GSTA3: variants seen among roughly 807,000 people sequenced by gnomAD.
GSTA3 encodes glutathione S-transferase A3.
In GSTA3, 16 loss-of-function variants were observed where a neutral mutation model predicts 23.1. The observed-to-expected ratio is 0.69, with a 90% CI of 0.47 to 1.05. The LOEUF (loss-of-function observed/expected upper bound fraction) is 1.05, where lower values mean the gene tolerates loss of function less well. GSTA3 is among the 50% of genes least tolerant of loss of function. The probability of loss-of-function intolerance (pLI) is 0.00; values close to 1 mark genes in which losing one functional copy is unlikely to be tolerated. For synonymous variants in GSTA3, 122 were observed against 91.0 expected (o/e 1.34, Z -1.94); for missense variants, 319 against 263.6 (o/e 1.21, Z -1.46).
intron 2 of GSTA3, among the ~76,000 whole-genome samples, chr6:52,905,197 T>C (rs1460701957): frequency 6.6e-6 from 1 of 152,240 alleles, no homozygotes; most frequent in African/African-American, 2.4e-5. Flanking sequence ...GTTTCAATCA[T>C]CTAGCTGCAG....
chr6:52,908,128 T>C (rs1213217321), intron 1 of GSTA3, among the ~76,000 whole-genome samples: 2 of 150,716 alleles, frequency 1.3e-5, no homozygotes, highest in Non-Finnish European at 2.9e-5. Context: ...TTATAGGATA[T>C]AACATGGCTA....
chr6:52,903,536 G>T, intron 3 of GSTA3, 140 bp downstream of exon 3: 1 of 431,840 alleles, frequency 2.3e-6, no homozygotes, highest in Non-Finnish European at 4.2e-6. Flanking sequence ...GGCGGAGCTT[G>T]CAGTAAGCCG....
rs1288167080 is a variant in GSTA3 at position 52,896,814 on chromosome 6, T to G, written c.661A>C (p.Arg221=). ...CCTCCATGGCTGCTTTATTAAAACC[T>G]GAAAATCTTTCTGGCTTCTTCTAAA... The part of the protein sequence containing the change: ...KALEEARKIF[R]F The change falls in exon 7 of 7, where the codon AGG becomes CGG. Residue 221 remains arginine (R), a synonymous_variant. Coordinates refer to ENST00000211122, the MANE Select transcript of GSTA3 (RefSeq NM_000847.5). 1 of 1,613,876 alleles carries G rather than the reference T, an allele frequency of 6.2e-7. No homozygotes were observed. Among genetic ancestry groups the G allele is most frequent in the Non-Finnish European group, 8.5e-7 (1 of 1,179,886 alleles).
In GSTA3 at chr6:52,902,398, A is replaced by G. The variant is rs2127359372; in HGVS notation, c.220T>C (p.Tyr74His). ...TAGAGGTTGTATTTGCTGGCAATGT[A>G]GTTGAGAATGGCTCTGGTCTGTACC... ...KLVQTRAILNYIASKYNLYGK... is the reference protein window; with the variant it reads ...KLVQTRAILNHIASKYNLYGK... Residue 74 changes from tyrosine (Y) to histidine (H), a missense_variant, in exon 4 of 7, where the codon TAC (tyrosine) becomes CAC (histidine). Tyr to His is a moderately conservative substitution (Grantham distance 83). Coordinates refer to ENST00000211122, the MANE Select transcript of GSTA3 (RefSeq NM_000847.5). The G allele has an allele frequency of 6.2e-7, 1 of 1,614,038 alleles. No homozygotes were observed. Among genetic ancestry groups the G allele is most frequent in the Non-Finnish European group, 8.5e-7 (1 of 1,179,906 alleles).
intron 4 of GSTA3, among the ~76,000 whole-genome samples, chr6:52,901,218 T>A (rs1308367434): frequency 6.6e-6 from 1 of 152,228 alleles, no homozygotes; most frequent in Non-Finnish European, 1.5e-5. Context: ...CATCACACTC[T>A]AATTCTAGAA....
intron 2 of GSTA3, 40 bp from the exon 3 acceptor site, chr6:52,903,767 TC>T: frequency 8.3e-7 from 1 of 1,201,138 alleles, no homozygotes; most frequent in South Asian, 1.2e-5. Context: ...GTTAGTTCGT[TC>T]CATAGCATTA....
At chr6:52,908,446 T>TAA (rs1765969010) in intron 1 of GSTA3, among the ~76,000 whole-genome samples, 16 of 152,280 alleles carry the variant, frequency 1.1e-4, no homozygotes, top group Admixed American at 9.2e-4. Context: ...GCCCAAGATG[T>TAA]TAAGGCTGCA....
At chr6:52,900,106 T>C (rs1335171845) in intron 4 of GSTA3, 31 bp from the exon 5 acceptor site, 1 of 1,579,324 alleles carries the variant, frequency 6.3e-7, no homozygotes, top group Non-Finnish European at 8.6e-7. Context: ...AAGCATCAAA[T>C]GCCTCTTGCC....
At chr6:52,906,064 A>T (rs1327816386) in intron 1 of GSTA3, among the ~76,000 whole-genome samples, 1 of 152,202 alleles carries the variant, frequency 6.6e-6, no homozygotes, top group South Asian at 2.1e-4. Context: ...TTTCCTGTGT[A>T]AGACCTTTGT....
At chr6:52,905,162 C>T (rs1400060817) in intron 2 of GSTA3, among the ~76,000 whole-genome samples, 1 of 152,128 alleles carries the variant, frequency 6.6e-6, no homozygotes, top group Non-Finnish European at 1.5e-5. Context: ...ATAAAAAATA[C>T]ACATAAAATA....
In GSTA3 at chr6:52,896,678, T is replaced by C. The variant is rs565274403; in HGVS notation, c.*128A>G. ...GCAAATAGGAGTTTTTATTATTTAA[T>C]TAGCATATAATTGGAAAGGGTTCAT... On this transcript the variant is annotated 3_prime_UTR_variant, in exon 7 of 7. Transcript: ENST00000211122. The C allele has an allele frequency of 1.9e-6, 2 of 1,049,574 alleles. No homozygotes were observed. The highest frequency in any genetic ancestry group is 2.5e-5 in the East Asian group (1 of 39,350). 65.0% of individuals were successfully genotyped at this position (1,049,574 alleles called of 1,614,324 possible).
At chr6:52,902,853 T>G in intron 3 of GSTA3, among the ~76,000 whole-genome samples, 1 of 152,218 alleles carries the variant, frequency 6.6e-6, no homozygotes, top group Admixed American at 6.5e-5. Flanking sequence ...ATGGTGTTCA[T>G]GGCCTTTAAA....
Position 52,896,744 on chromosome 6 carries a change from T to C in GSTA3, c.*62A>G, listed in dbSNP as rs776168881. 3.1e-6 allele frequency: 5 copies of C among 1,598,268 alleles called. No individual in the cohort carries two copies. The highest frequency in any genetic ancestry group is 4.3e-6 in the Non-Finnish European group (5 of 1,168,900). On this transcript the variant is annotated 3_prime_UTR_variant, in exon 7 of 7. Transcript: ENST00000211122. Reference sequence around the variant, plus strand: ...CACAATCAACACTTAAGTAAAGCACTTCATTGTTGCAAAACTTTAGAATAT... The same window carrying C: ...CACAATCAACACTTAAGTAAAGCACCTCATTGTTGCAAAACTTTAGAATAT...
In GSTA3 at chr6:52,903,673, T is replaced by C; in HGVS notation, c.139+3A>G. The stretch of plus-strand genomic sequence containing the variant: ...TCAGAGGCACTTAGAGACTTGATCT[T>C]ACCATTTCTTAACTTTCCCAAATCT... On this transcript the variant is annotated splice_donor_region_variant and intron_variant, in intron 3 of 6. Coordinates refer to ENST00000211122, the MANE Select transcript of GSTA3 (RefSeq NM_000847.5). 6.6e-7 allele frequency: 1 copy of C among 1,525,084 alleles called. No homozygotes were observed. Among genetic ancestry groups the C allele is most frequent in the Non-Finnish European group, 9.1e-7 (1 of 1,099,458 alleles). 94.5% of individuals were successfully genotyped at this position (1,525,084 alleles called of 1,614,324 possible).
chr6:52,906,835 C>T (rs1383183025), intron 1 of GSTA3, among the ~76,000 whole-genome samples: 7 of 150,882 alleles, frequency 4.6e-5, no homozygotes, highest in East Asian at 1.9e-4. Context: ...AAGACTTAAA[C>T]GTTAGACCTA....
chr6:52,897,066 C>G, intron 6 of GSTA3, 138 bp from the exon 7 acceptor site: 1 of 1,207,870 alleles, frequency 8.3e-7, no homozygotes, highest in Non-Finnish European at 1.2e-6. Flanking sequence ...CAGAAACAGA[C>G]ACCCAGTGAT....
At position 52,905,729 on chromosome 6, in the gene GSTA3, G is replaced by A; in HGVS notation, c.87+19C>T. 3 of 1,431,684 alleles carry A rather than the reference G, an allele frequency of 2.1e-6. No individual in the cohort carries two copies. Among genetic ancestry groups the A allele is most frequent in the Non-Finnish European group, 2.9e-6 (3 of 1,018,608 alleles). The allele number at this position is 1,431,684 out of a possible 1,614,324, so 88.7% of individuals were successfully genotyped here. A position where few individuals can be genotyped will look rare whatever the true frequency, so the allele number is the denominator to read the frequency against. Reference sequence around the variant, plus strand: ...CAGTCAATTAGGTCCAACTTAAGATGACCTAACTTAGAACATACCTCCACT... The same window carrying A: ...CAGTCAATTAGGTCCAACTTAAGATAACCTAACTTAGAACATACCTCCACT... On this transcript the variant is annotated intron_variant, in intron 2 of 6. Coordinates refer to ENST00000211122, the MANE Select transcript of GSTA3 (RefSeq NM_000847.5).
At chr6:52,901,191 C>G (rs1041828285) in intron 4 of GSTA3, among the ~76,000 whole-genome samples, 8 of 152,192 alleles carry the variant, frequency 5.3e-5, no homozygotes, top group African/African-American at 1.9e-4. Flanking sequence ...AGTACATTTA[C>G]AGAATTCTGC....
At chr6:52,897,200 T>C (rs1258623573) in intron 6 of GSTA3, among the ~76,000 whole-genome samples, 1 of 152,236 alleles carries the variant, frequency 6.6e-6, no homozygotes, top group Non-Finnish European at 1.5e-5. Flanking sequence ...TTAGTGACTC[T>C]TGTATAAGAC....
Sources: allele counts gnomAD v4.1 joint callset (sites outside exome capture counted in the v4.1 genomes callset), GRCh38; gene constraint gnomAD v4.1.1; transcripts MANE v1.5; gene names NCBI Gene and HGNC (gene_info 2026-07-23, HGNC 2026-07-21).